ADGRL3: variants seen among roughly 807,000 people sequenced by gnomAD.
ADGRL3 encodes calcium-independent alpha-latrotoxin receptor 3.
ADGRL3 carries 62 observed loss-of-function variants against 153.5 expected under a neutral mutation model. The observed-to-expected ratio is 0.40, with a 90% CI of 0.33 to 0.50. The LOEUF (loss-of-function observed/expected upper bound fraction) is 0.50. Ranked by LOEUF, ADGRL3 falls within the 20% of genes least tolerant of loss-of-function variation. The pLI, the probability that ADGRL3 is intolerant of heterozygous loss-of-function variation, is 0.47. For synonymous variants in ADGRL3, 710 were observed against 672.5 expected, an observed-to-expected ratio of 1.06 and a Z score of -0.86; for missense variants, 1,641 against 1,859.4, an observed-to-expected ratio of 0.88 and a Z score of 2.16.
chr4:61,894,510 C>T (rs894430249), intron 10 of ADGRL3, among the ~76,000 whole-genome samples: 4 of 152,148 alleles, frequency 2.6e-5, no homozygotes, highest in Admixed American at 1.3e-4. Context: ...GTTGTGGTCT[C>T]AGTTCCTTTA....
At chr4:61,723,371 G>A (rs998655168) in intron 6 of ADGRL3, among the ~76,000 whole-genome samples, 13 of 152,134 alleles carry the variant, frequency 8.5e-5, no homozygotes, top group African/African-American at 2.2e-4. Context: ...ACGGACACAC[G>A]TGGAGTGGTT....
chr4:61,685,369 C>T (rs1394484615), intron 6 of ADGRL3, among the ~76,000 whole-genome samples: 1 of 151,918 alleles, frequency 6.6e-6, no homozygotes, highest in Non-Finnish European at 1.5e-5. Context: ...AAATAATGAA[C>T]ACATGAACCA....
chr4:62,016,857 A>T (rs564402707), intron 21 of ADGRL3, among the ~76,000 whole-genome samples: 1 of 152,140 alleles, frequency 6.6e-6, no homozygotes, highest in African/African-American at 2.4e-5. Flanking sequence ...CTTCCATTAT[A>T]TCCTTTTATA....
chr4:61,990,338 C>T (rs931036640), intron 19 of ADGRL3, among the ~76,000 whole-genome samples: 2 of 151,876 alleles, frequency 1.3e-5, no homozygotes, highest in Non-Finnish European at 2.9e-5. Context: ...ATAGGCGAAT[C>T]TTTAAAGACA....
intron 2 of ADGRL3, among the ~76,000 whole-genome samples, chr4:61,460,976 A>G (rs540587597): frequency 1.3e-5 from 2 of 152,292 alleles, no homozygotes; most frequent in East Asian, 3.9e-4. Context: ...AGGCTGAGGC[A>G]GGAGAATTGC....
At chr4:61,297,562 A>G (rs1335805111) in intron 1 of ADGRL3, among the ~76,000 whole-genome samples, 14 of 152,072 alleles carry the variant, frequency 9.2e-5, no homozygotes, top group Admixed American at 9.2e-4. Flanking sequence ...TTTTAACAAA[A>G]CATTTTTTTT....
In ADGRL3 at chr4:61,817,338, A is replaced by T. The variant is rs144927423; in HGVS notation, c.1480+3449A>T. On this transcript the variant is annotated intron_variant, in intron 9 of 26. Coordinates refer to ENST00000683033, the MANE Select transcript of ADGRL3 (RefSeq NM_001387552.1). The stretch of plus-strand genomic sequence containing the variant: ...GATGGAGTCTGTGGCCTGGATTGAG[A>T]ACTTATGGTCCTTTTGTTCAAGCCC... Among the ~76,000 whole-genome samples, 54 of 152,220 alleles carry T rather than the reference A, an allele frequency of 3.5e-4. No individual in the cohort carries two copies. The East Asian group carries it at 9.5e-3, about 27-fold the overall frequency.
chr4:61,964,630 C>T (rs1213478522), intron 17 of ADGRL3, among the ~76,000 whole-genome samples: 2 of 151,988 alleles, frequency 1.3e-5, no homozygotes, highest in Non-Finnish European at 2.9e-5. Flanking sequence ...ATATCAGTAT[C>T]ACTAAATTTA....
chr4:62,075,195 G>T lies in ADGRL3; in HGVS notation c.*4287G>T, dbSNP rs928842495. On this transcript the variant is annotated 3_prime_UTR_variant, in exon 27 of 27. Coordinates refer to ENST00000683033, the MANE Select transcript of ADGRL3 (RefSeq NM_001387552.1). ...GCTACTGCTTGGATTTTTTTGTTGTGGTTTTAAAGAGATGGGGTCTTGCTC... is the reference window on the plus strand; with the variant it reads ...GCTACTGCTTGGATTTTTTTGTTGTTGTTTTAAAGAGATGGGGTCTTGCTC... The T allele has an allele frequency of 6.6e-6, 1 of 151,922 alleles. No homozygotes were observed. The highest frequency in any genetic ancestry group is 2.4e-5 in the African/African-American group (1 of 41,342). The allele number at this position is 151,922 out of a possible 1,614,324, so 9.4% of individuals were successfully genotyped here. A position where few individuals can be genotyped will look rare whatever the true frequency, so the allele number is the denominator to read the frequency against.
intron 1 of ADGRL3, among the ~76,000 whole-genome samples, chr4:61,226,083 G>A (rs1410032420): frequency 2.0e-5 from 3 of 151,872 alleles, no homozygotes; most frequent in African/African-American, 7.3e-5. Flanking sequence ...GATTCATCTT[G>A]GGTTACCTGA....
chr4:61,520,156 T>C (rs1579307998), intron 4 of ADGRL3, among the ~76,000 whole-genome samples: 1 of 152,246 alleles, frequency 6.6e-6, no homozygotes, highest in East Asian at 1.9e-4. Flanking sequence ...CATGAAGAAT[T>C]TTTAAAAATA....
intron 1 of ADGRL3, among the ~76,000 whole-genome samples, chr4:61,260,069 A>C (rs1036168087): frequency 2.0e-5 from 3 of 152,222 alleles, no homozygotes; most frequent in Non-Finnish European, 4.4e-5. Context: ...AATATATGAT[A>C]AACATGCTAT....
chr4:62,044,658 A>T, intron 25 of ADGRL3, 109 bp downstream of exon 25: 2 of 651,698 alleles, frequency 3.1e-6, no homozygotes, highest in Admixed American at 6.0e-5. Flanking sequence ...TGATAGAAAC[A>T]TTGTAAGAAC....
At chr4:61,265,355 A>G (rs554479911) in intron 1 of ADGRL3, among the ~76,000 whole-genome samples, 7 of 151,992 alleles carry the variant, frequency 4.6e-5, no homozygotes, top group African/African-American at 1.7e-4. Flanking sequence ...GACTTTTCCC[A>G]TGCTCCATGA....
chr4:61,467,062 G>T (rs2097893273), intron 2 of ADGRL3, among the ~76,000 whole-genome samples: 1 of 152,110 alleles, frequency 6.6e-6, no homozygotes, highest in Non-Finnish European at 1.5e-5. Context: ...GTGACACCAA[G>T]CTCTGACTTA....
At position 61,936,040 on chromosome 4, in the gene ADGRL3, G is replaced by T. The variant is rs770571932; in HGVS notation, c.2414G>T (p.Arg805Leu). The T allele has an allele frequency of 1.9e-6, 3 of 1,610,444 alleles. No homozygotes were observed. The highest frequency in any genetic ancestry group is 2.2e-5 in the East Asian group (1 of 44,774). The change falls in exon 15 of 27, where the codon CGA (arginine) becomes CTA (leucine). Residue 805 changes from arginine (R) to leucine (L), a missense_variant. Coordinates refer to ENST00000683033, the MANE Select transcript of ADGRL3 (RefSeq NM_001387552.1). Reference sequence around the variant, plus strand: ...GCAAATACCTTAAAGCAAAATGGCCGAAATGGTAGGTTAGAGTTTATTTTT... The same window carrying T: ...GCAAATACCTTAAAGCAAAATGGCCTAAATGGTAGGTTAGAGTTTATTTTT... ...LSANTLKQNGRNGEIRVAFVL... is the reference protein window; with the variant it reads ...LSANTLKQNGLNGEIRVAFVL...
intron 1 of ADGRL3, among the ~76,000 whole-genome samples, chr4:61,373,184 GT>G (rs2096560914): frequency 6.6e-6 from 1 of 152,130 alleles, no homozygotes; most frequent in African/African-American, 2.4e-5. Flanking sequence ...GAAATCACCC[GT>G]CTTCGTCGCT....
chr4:62,064,018 T>C (rs1335749557), intron 25 of ADGRL3, among the ~76,000 whole-genome samples: 1 of 152,116 alleles, frequency 6.6e-6, no homozygotes, highest in Non-Finnish European at 1.5e-5. Context: ...AGTCTTAATA[T>C]TACAAGATCA....
intron 5 of ADGRL3, among the ~76,000 whole-genome samples, chr4:61,629,953 T>C (rs1039500842): frequency 6.6e-6 from 1 of 152,028 alleles, no homozygotes; most frequent in Admixed American, 6.6e-5. Context: ...CTTGACACAA[T>C]TCCTGCCAAT....
Sources: allele counts gnomAD v4.1 joint callset (sites outside exome capture counted in the v4.1 genomes callset), GRCh38; gene constraint gnomAD v4.1.1; transcripts MANE v1.5; gene names NCBI Gene and HGNC (gene_info 2026-07-23, HGNC 2026-07-21).